BUB1B: variants seen among roughly 807,000 people sequenced by gnomAD.
The protein encoded by BUB1B is BUB1 mitotic checkpoint serine/threonine kinase B, also known as mitotic checkpoint serine/threonine-protein kinase BUB1 beta.
Under a neutral mutation model 137.7 loss-of-function variants are expected in BUB1B, and 86 were observed. That is an observed-to-expected ratio of 0.62 (90% CI 0.52 to 0.75). The LOEUF (loss-of-function observed/expected upper bound fraction) is 0.75. Among genes scored for constraint, BUB1B ranks in the 30% least tolerant of loss-of-function variants. The probability of loss-of-function intolerance (pLI) is 0.00; values close to 1 mark genes in which losing one functional copy is unlikely to be tolerated. For synonymous variants in BUB1B, 420 were observed against 417.9 expected (o/e 1.00, Z -0.06); for missense variants, 1,130 against 1,236.9 (o/e 0.91, Z 1.30).
At chr15:40,170,743 G>A (rs369093501) in intron 4 of BUB1B, 62 bp downstream of exon 4, 2 of 1,553,436 alleles carry the variant, frequency 1.3e-6, no homozygotes, top group African/African-American at 1.4e-5. Context: ...TTCTCTAGAG[G>A]TATCTGGTAT....
At chr15:40,183,267 G>A (rs140756872) in intron 5 of BUB1B, among the ~76,000 whole-genome samples, 8 of 152,298 alleles carry the variant, frequency 5.3e-5, no homozygotes, top group South Asian at 2.1e-4. Flanking sequence ...AGGAGAAACC[G>A]TATATGTGTG....
At chr15:40,167,343 T>A (rs927269409) in intron 2 of BUB1B, among the ~76,000 whole-genome samples, 1 of 116,212 alleles carries the variant, frequency 8.6e-6, no homozygotes, top group South Asian at 2.9e-4. Context: ...TCATTTTAGC[T>A]TTTTTTTTTT....
chr15:40,205,505 C>G (rs2037626518), intron 14 of BUB1B, among the ~76,000 whole-genome samples: 1 of 152,140 alleles, frequency 6.6e-6, no homozygotes, highest in South Asian at 2.1e-4. Context: ...TACAATTCTA[C>G]TTTTAGGAAT....
At position 40,205,226 on chromosome 15, in the gene BUB1B, C is replaced by T. The variant is rs150635511; in HGVS notation, c.1735-958C>T. 7.1e-3 allele frequency among the ~76,000 whole-genome samples: 1,085 copies of T among 152,106 alleles called. 7 individuals carry two copies. The highest frequency in any genetic ancestry group is 0.024 in the African/African-American group (977 of 41,494). On this transcript the variant is annotated intron_variant, in intron 14 of 22. Transcript: ENST00000287598. ...CGTCCCAAAGTGCTGGGATTACAGG[C>T]GTGAGCCACTGCACCCGGCCTATAA...
chr15:40,161,861 C>G (rs1305880359), intron 1 of BUB1B, among the ~76,000 whole-genome samples: 1 of 152,110 alleles, frequency 6.6e-6, no homozygotes, highest in Non-Finnish European at 1.5e-5. Flanking sequence ...CACTGTGGTG[C>G]CCGCAATACC....
At chr15:40,170,791 A>G in intron 4 of BUB1B, 110 bp downstream of exon 4, 1 of 1,093,736 alleles carries the variant, frequency 9.1e-7, no homozygotes, top group Non-Finnish European at 1.3e-6. Context: ...TGAACCATTT[A>G]GTAGATTGGA....
rs2037634227 is a variant in BUB1B, at chr15:40,206,212, G to A, written c.1763G>A (p.Ser588Asn). The A allele has an allele frequency of 3.1e-6, 5 of 1,614,144 alleles. No individual in the cohort carries two copies. The highest frequency in any genetic ancestry group is 4.2e-6 in the Non-Finnish European group (5 of 1,180,010). ...CDEFTGIEPL[S>N]EDAIITGFRN... ...GAATTTACAGGAATTGAACCCTTGA[G>A]CGAGGATGCCATTATCACAGGCTTC... The change falls in exon 15 of 23, where the codon AGC (serine) becomes AAC (asparagine). Residue 588 changes from serine to asparagine, a missense_variant. Ser to Asn is a conservative substitution (Grantham distance 46). Transcript: ENST00000287598.
intron 19 of BUB1B, 78 bp downstream of exon 19, chr15:40,212,726 A>G (rs1309653436): frequency 3.8e-6 from 5 of 1,322,618 alleles, no homozygotes; most frequent in Non-Finnish European, 5.3e-6. Context: ...AATTTAGTAC[A>G]AAATTCCTGT....
intron 5 of BUB1B, among the ~76,000 whole-genome samples, chr15:40,183,192 C>A (rs932473003): frequency 6.6e-6 from 1 of 152,154 alleles, no homozygotes; most frequent in Non-Finnish European, 1.5e-5. Context: ...GTTTACTTTT[C>A]AAACTTCTGC....
chr15:40,185,648 T>C lies in BUB1B; in HGVS notation c.1058+6T>C. 1.2e-6 allele frequency: 2 copies of C among 1,610,852 alleles called. No homozygotes were observed. Among genetic ancestry groups the C allele is most frequent in the African/African-American group, 1.3e-5 (1 of 74,878 alleles). ...ACTGCACGACAGCCAGTTATGTGAG[T>C]GTGGTTTTTGGATATTTTGAAGTGG... On this transcript the variant is annotated splice_donor_region_variant and intron_variant, in intron 8 of 22. Transcript: ENST00000287598.
intron 18 of BUB1B, among the ~76,000 whole-genome samples, chr15:40,211,824 GT>G (rs538482738): frequency 6.0e-4 from 88 of 145,932 alleles, no homozygotes; most frequent in African/African-American, 1.5e-3. Flanking sequence ...CTGTTTTTTT[GT>G]TTTTTTTTTT....
chr15:40,164,320 T>G (rs1461587928), intron 1 of BUB1B, among the ~76,000 whole-genome samples: 1 of 150,918 alleles, frequency 6.6e-6, no homozygotes, highest in East Asian at 2.0e-4. Context: ...CTTCGACCCC[T>G]GAACCCAAGC....
At chr15:40,161,374 C>T in intron 1 of BUB1B, 119 bp downstream of exon 1, 2 of 1,166,446 alleles carry the variant, frequency 1.7e-6, no homozygotes, top group Admixed American at 3.3e-5. Flanking sequence ...CAGACCCCAC[C>T]GGAGCCTCCT....
At chr15:40,184,781 G>T (rs1189925430) in intron 6 of BUB1B, among the ~76,000 whole-genome samples, 1 of 152,116 alleles carries the variant, frequency 6.6e-6, no homozygotes, top group East Asian at 1.9e-4. Context: ...GTATTCTCTA[G>T]TTCCAGTATA....
intron 10 of BUB1B, chr15:40,199,985 A>G: frequency 5.1e-6 from 3 of 585,242 alleles, no homozygotes; most frequent in Non-Finnish European, 9.1e-6. Context: ...ATTCTGGCTT[A>G]AGCTTTTTAT....
intron 11 of BUB1B, 131 bp from the exon 12 acceptor site, chr15:40,200,800 T>A: frequency 2.6e-6 from 2 of 755,890 alleles, no homozygotes; most frequent in Non-Finnish European, 4.4e-6. Context: ...TTTAAGAGAA[T>A]TTGAATTGAC....
intron 1 of BUB1B, among the ~76,000 whole-genome samples, chr15:40,163,872 C>T (rs1465932723): frequency 1.3e-5 from 2 of 152,180 alleles, no homozygotes; most frequent in Non-Finnish European, 2.9e-5. Context: ...GAAGCTGTCT[C>T]CAACGAGTTT....
At chr15:40,214,762 T>C (rs924227248) in intron 20 of BUB1B, among the ~76,000 whole-genome samples, 5 of 152,270 alleles carry the variant, frequency 3.3e-5, no homozygotes, top group East Asian at 1.9e-4. Context: ...CAGGGCACCA[T>C]AGGTATTTTG....
At chr15:40,206,952 G>C (rs2037645287) in intron 15 of BUB1B, among the ~76,000 whole-genome samples, 1 of 152,162 alleles carries the variant, frequency 6.6e-6, no homozygotes, top group South Asian at 2.1e-4. Context: ...TGGGACTACA[G>C]GTGCGCACCA....
Sources: allele counts gnomAD v4.1 joint callset (sites outside exome capture counted in the v4.1 genomes callset), GRCh38; gene constraint gnomAD v4.1.1; transcripts MANE v1.5; gene names NCBI Gene and HGNC (gene_info 2026-07-23, HGNC 2026-07-21).